The following FILIP1 variants were observed in gnomAD, a reference collection of about 807,000 sequenced individuals.
FILIP1 encodes filamin A interacting protein 1.
A neutral mutation model predicts 102.1 loss-of-function variants in FILIP1; 61 were observed. The observed-to-expected ratio is 0.60, with a 90% CI of 0.49 to 0.74. FILIP1 has a LOEUF of 0.74. Ranked by LOEUF, FILIP1 falls within the 30% of genes least tolerant of loss-of-function variation. The pLI is 0.00. For synonymous variants in FILIP1, 491 were observed against 526.9 expected, an observed-to-expected ratio of 0.93 and a Z score of 0.93; for missense variants, 1,314 against 1,441.2, an observed-to-expected ratio of 0.91 and a Z score of 1.43.
At chr6:75,321,650 C>T (rs1428158121) in intron 4 of FILIP1, among the ~76,000 whole-genome samples, 11 of 151,744 alleles carry the variant, frequency 7.2e-5, no homozygotes, top group African/African-American at 2.4e-4. Context: ...AAAAATTAGC[C>T]GGGCGCGGTG....
chr6:75,432,759 G>A (rs897641021), intron 1 of FILIP1, among the ~76,000 whole-genome samples: 1 of 151,946 alleles, frequency 6.6e-6, no homozygotes, highest in African/African-American at 2.4e-5. Context: ...GTATACATGT[G>A]CCATGTTGGT....
chr6:75,403,260 T>C (rs1776717026), intron 2 of FILIP1, among the ~76,000 whole-genome samples: 1 of 152,018 alleles, frequency 6.6e-6, no homozygotes, highest in African/African-American at 2.4e-5. Flanking sequence ...ATGCCTATAA[T>C]CCTAGCACTT....
intron 1 of FILIP1, among the ~76,000 whole-genome samples, chr6:75,422,998 C>T (rs1394031488): frequency 6.6e-6 from 1 of 152,040 alleles, no homozygotes; most frequent in Admixed American, 6.6e-5. Flanking sequence ...CACATTTGTT[C>T]CAGGAATTGC....
intron 2 of FILIP1, among the ~76,000 whole-genome samples, chr6:75,374,709 G>A (rs994680437): frequency 6.6e-6 from 1 of 152,122 alleles, no homozygotes; most frequent in African/African-American, 2.4e-5. Context: ...TAGAACATGG[G>A]AGAAGTCATT....
intron 2 of FILIP1, chr6:75,397,956 T>G (rs1433106816): frequency 6.6e-6 from 1 of 152,184 alleles, no homozygotes; most frequent in African/African-American, 2.4e-5. Flanking sequence ...TGAAGAAATA[T>G]TTAACATCAG....
intron 4 of FILIP1, among the ~76,000 whole-genome samples, chr6:75,351,699 C>T (rs1016766719): frequency 3.9e-5 from 6 of 152,154 alleles, no homozygotes; most frequent in Non-Finnish European, 8.8e-5. Flanking sequence ...GTTGGCTATA[C>T]ATCTAAGTTT....
chr6:75,452,895 A>C (rs571648287), intron 1 of FILIP1, among the ~76,000 whole-genome samples: 64 of 152,248 alleles, frequency 4.2e-4, no homozygotes, highest in Non-Finnish European at 7.5e-4. Flanking sequence ...GATGCCATTT[A>C]ACATGAAGGT....
chr6:75,302,633 G>A (rs1203451099), intron 6 of FILIP1, among the ~76,000 whole-genome samples: 1 of 152,108 alleles, frequency 6.6e-6, no homozygotes, highest in Admixed American at 6.6e-5. Flanking sequence ...AGGGTGGCAT[G>A]GCCTGACAGT....
chr6:75,312,321 T>C lies in FILIP1; in HGVS notation c.3435+76A>G, dbSNP rs552975682. ...TGAGAAGCATGTGGCTGGGTTTTAC[T>C]GTGGGTGCTGGGTAGTCTCACTACT... On this transcript the variant is annotated intron_variant, in intron 5 of 5. Coordinates refer to ENST00000237172, the MANE Select transcript of FILIP1 (RefSeq NM_015687.5). The C allele has an allele frequency of 3.6e-5, 51 of 1,433,994 alleles. No individual in the cohort carries two copies. In the African/African-American group the frequency reaches 6.0e-4, roughly 17 times the overall value. The allele number at this position is 1,433,994 out of a possible 1,614,324, so 88.8% of individuals were successfully genotyped here.
At chr6:75,426,437 C>G (rs1172576228) in intron 1 of FILIP1, among the ~76,000 whole-genome samples, 1 of 152,116 alleles carries the variant, frequency 6.6e-6, no homozygotes, top group South Asian at 2.1e-4. Flanking sequence ...ACAGGAAATA[C>G]AGTTCTAGCC....
intron 2 of FILIP1, among the ~76,000 whole-genome samples, chr6:75,386,914 T>TAC (rs1402945069): frequency 6.6e-6 from 1 of 152,158 alleles, no homozygotes; most frequent in African/African-American, 2.4e-5. Flanking sequence ...TACATAGGTA[T>TAC]ACATGTGCCA....
chr6:75,385,901 T>C (rs1200165401), intron 2 of FILIP1, among the ~76,000 whole-genome samples: 2 of 152,006 alleles, frequency 1.3e-5, no homozygotes, highest in African/African-American at 2.4e-5. Flanking sequence ...ATAACATTGA[T>C]TATGGCATTG....
chr6:75,427,136 A>G (rs1311115501), intron 1 of FILIP1, among the ~76,000 whole-genome samples: 1 of 152,190 alleles, frequency 6.6e-6, no homozygotes, highest in Admixed American at 6.5e-5. Context: ...GATTTGGTCT[A>G]GGATTGACTT....
intron 1 of FILIP1, chr6:75,473,701 T>C (rs577497902): frequency 3.9e-4 from 59 of 152,282 alleles, no homozygotes; most frequent in African/African-American, 1.3e-3. Flanking sequence ...GGACAACGTA[T>C]AACAATCTCT....
chr6:75,464,604 A>G (rs550566505), intron 1 of FILIP1, among the ~76,000 whole-genome samples: 13 of 152,348 alleles, frequency 8.5e-5, no homozygotes, highest in African/African-American at 2.4e-4. Context: ...CTTCTGATGT[A>G]CAAAGACTTT....
chr6:75,310,580 A>G (rs1190115074), intron 5 of FILIP1, among the ~76,000 whole-genome samples: 2 of 152,264 alleles, frequency 1.3e-5, no homozygotes, highest in African/African-American at 4.8e-5. Context: ...CTACCCGTGT[A>G]TGAGGTTTAA....
At chr6:75,358,627 G>C (rs889141993) in intron 3 of FILIP1, 1 of 152,126 alleles carries the variant, frequency 6.6e-6, no homozygotes, top group African/African-American at 2.4e-5. Context: ...GGAAGATCAG[G>C]GTAAGACATC....
intron 4 of FILIP1, among the ~76,000 whole-genome samples, chr6:75,316,122 A>G (rs1402616326): frequency 6.6e-6 from 1 of 152,212 alleles, no homozygotes; most frequent in Non-Finnish European, 1.5e-5. Context: ...CATTTTCTCT[A>G]TGGCATTTAT....
At chr6:75,320,501 C>T (rs1026100290) in intron 4 of FILIP1, among the ~76,000 whole-genome samples, 2 of 152,016 alleles carry the variant, frequency 1.3e-5, no homozygotes, top group Admixed American at 6.6e-5. Context: ...CACCTGAGCC[C>T]GGGAGGCAGA....
Sources: gnomAD v4.1 joint callset for allele counts (sites outside exome capture counted in the v4.1 genomes callset) on GRCh38, gnomAD v4.1.1 for gene constraint, MANE v1.5 for transcripts, NCBI Gene and HGNC (gene_info 2026-07-23, HGNC 2026-07-21) for gene names.